Variants in TAMM41 observed in about 807,000 individuals in gnomAD.
The protein encoded by TAMM41 is TAM41 mitochondrial translocator assembly and maintenance homolog.
Under a neutral mutation model 44.1 loss-of-function variants are expected in TAMM41, and 36 were observed. That is an observed-to-expected ratio of 0.82 (90% confidence interval 0.63 to 1.08). TAMM41 has a LOEUF of 1.08. TAMM41 is among the 50% of genes least tolerant of loss of function. The pLI is 0.00. For missense variants in TAMM41, 417 were observed against 404.3 expected (o/e 1.03, Z -0.27); for synonymous variants, 164 against 153.1 (o/e 1.07, Z -0.53).
At chr3:11,725,972 G>A in the TAMM41 span, among the ~76,000 whole-genome samples, 2 of 152,122 alleles carry the variant, frequency 1.3e-5, no homozygotes, top group Non-Finnish European at 2.9e-5. Flanking sequence ...ATGGGTGAGT[G>A]TTATAAAAAA....
the TAMM41 span, among the ~76,000 whole-genome samples, chr3:11,770,779 G>C: frequency 6.6e-6 from 1 of 152,196 alleles, no homozygotes; most frequent in South Asian, 2.1e-4. Context: ...TCAAGCATGG[G>C]GGCAGGGGAG....
At chr3:11,731,168 G>A in the TAMM41 span, among the ~76,000 whole-genome samples, 3 of 152,174 alleles carry the variant, frequency 2.0e-5, no homozygotes, top group Non-Finnish European at 2.9e-5. Context: ...TTAGGGCACC[G>A]CAATGTACAA....
At chr3:11,740,897 TTC>T in the TAMM41 span, among the ~76,000 whole-genome samples, 1 of 147,866 alleles carries the variant, frequency 6.8e-6, no homozygotes, top group African/African-American at 2.6e-5. Flanking sequence ...ACAAATTCAT[TTC>T]TTACAGTTTT....
the TAMM41 span, among the ~76,000 whole-genome samples, chr3:11,724,080 T>C: frequency 6.6e-6 from 1 of 151,450 alleles, no homozygotes; most frequent in Non-Finnish European, 1.5e-5. Flanking sequence ...TATTTTATTT[T>C]ATTTTTATAT....
the TAMM41 span, among the ~76,000 whole-genome samples, chr3:11,730,614 AT>A: frequency 1.3e-5 from 2 of 150,666 alleles, no homozygotes; most frequent in African/African-American, 4.9e-5. Context: ...GGCGCCTGTA[AT>A]CCCAGCTACT....
chr3:11,809,871 T>C, intron 5 of TAMM41, 189 bp from the exon 6 acceptor site: 1 of 508,448 alleles, frequency 2.0e-6, no homozygotes, highest in Non-Finnish European at 3.4e-6. Context: ...CTAAGTCCCT[T>C]CAAAAAGGAC....
At chr3:11,774,382 C>G in the TAMM41 span, among the ~76,000 whole-genome samples, 1 of 152,182 alleles carries the variant, frequency 6.6e-6, no homozygotes, top group Non-Finnish European at 1.5e-5. Context: ...ACCAAGCTGA[C>G]AGGGAGGCTC....
rs548988127 is a variant in TAMM41, at chr3:11,841,668, C to A, written c.319-2354G>T. On this transcript the variant is annotated intron_variant, in intron 2 of 7. Coordinates refer to ENST00000455809, the MANE Select transcript of TAMM41 (RefSeq NM_001284401.2). ...CATAATATTAACTGTGGAGAAAGAA[C>A]AAAGCTAAGTGTCCTGCATGACTCA... Among the ~76,000 whole-genome samples the A allele has an allele frequency of 1.6e-3, 241 of 152,254 alleles. 1 individual carries two copies. Among genetic ancestry groups the A allele is most frequent in the Non-Finnish European group, 2.8e-3 (190 of 68,030 alleles).
At chr3:11,829,601 G>A (rs2078898109) in intron 4 of TAMM41, 113 bp downstream of exon 4, 6 of 1,257,002 alleles carry the variant, frequency 4.8e-6, no homozygotes, top group East Asian at 2.3e-5. Context: ...CAAGAGTGAC[G>A]TGATTTACAA....
intron 7 of TAMM41, among the ~76,000 whole-genome samples, chr3:11,799,404 C>A (rs111730480): frequency 6.6e-6 from 1 of 152,208 alleles, no homozygotes; most frequent in Non-Finnish European, 1.5e-5. Context: ...GCTCTAGTCT[C>A]TGCGGCTCAC....
At chr3:11,816,742 T>A (rs2078292487) in intron 5 of TAMM41, among the ~76,000 whole-genome samples, 3 of 151,674 alleles carry the variant, frequency 2.0e-5, no homozygotes, top group Non-Finnish European at 4.4e-5. Flanking sequence ...CACTGCACTC[T>A]AGCCTGGGAA....
the TAMM41 span, among the ~76,000 whole-genome samples, chr3:11,769,279 G>A: frequency 6.6e-6 from 1 of 152,026 alleles, no homozygotes; most frequent in Non-Finnish European, 1.5e-5. Flanking sequence ...TAGTAAAGAT[G>A]GGGTTTCACC....
chr3:11,844,174 G>C lies in TAMM41; in HGVS notation c.173C>G (p.Pro58Arg). The C allele has an allele frequency of 1.9e-6, 3 of 1,614,144 alleles. No individual in the cohort carries two copies. The highest frequency in any genetic ancestry group is 2.5e-6 in the Non-Finnish European group (3 of 1,180,036). ...CAGGTTCTTTGAATGCCATGCGACA[G>C]GGTCATCTACTGTGAACACAAAGTC... ...MLDFVFTVDD[P>R]VAWHSKNLKK... is the part of the protein sequence containing the mutation. Residue 58 changes from proline (P) to arginine (R), a missense_variant, in exon 2 of 8, where the codon CCT (proline) becomes CGT (arginine). By Grantham distance (103) the Pro-to-Arg change is moderately radical. Transcript: ENST00000455809.
chr3:11,785,108 T>A, the TAMM41 span, among the ~76,000 whole-genome samples: 1 of 152,192 alleles, frequency 6.6e-6, no homozygotes, highest in East Asian at 1.9e-4. Context: ...GGTGTTTCTC[T>A]GGTGAGCTCG....
chr3:11,828,712 G>A (rs746271441), intron 4 of TAMM41, among the ~76,000 whole-genome samples: 9 of 152,218 alleles, frequency 5.9e-5, no homozygotes, highest in African/African-American at 9.6e-5. Flanking sequence ...TTGCTTCAAC[G>A]CCTTTCTCTA....
At chr3:11,730,593 G>T in the TAMM41 span, among the ~76,000 whole-genome samples, 1 of 151,958 alleles carries the variant, frequency 6.6e-6, no homozygotes, top group East Asian at 1.9e-4. Context: ...AATTAGCCGG[G>T]CGTGGCGGTG....
chr3:11,825,369 G>C (rs1178995977), intron 4 of TAMM41, among the ~76,000 whole-genome samples: 1 of 152,148 alleles, frequency 6.6e-6, no homozygotes, highest in Non-Finnish European at 1.5e-5. Flanking sequence ...TTCCGGCTGA[G>C]GCACAGAGAA....
At chr3:11,807,391 AGAG>A in intron 7 of TAMM41, 1 of 1,520,216 alleles carries the variant, frequency 6.6e-7, no homozygotes, top group Non-Finnish European at 8.8e-7. Context: ...GTTGAAACGT[AGAG>A]AAGGAGCAAC....
chr3:11,807,109 C>T (rs544482036), intron 7 of TAMM41: 2 of 935,338 alleles, frequency 2.1e-6, no homozygotes, highest in Admixed American at 1.2e-4. Flanking sequence ...AGAGTGTGCA[C>T]CAAGCAAGTG....
Sources: allele counts gnomAD v4.1 joint callset (sites outside exome capture counted in the v4.1 genomes callset), GRCh38; gene constraint gnomAD v4.1.1; transcripts MANE v1.5; gene names NCBI Gene and HGNC (gene_info 2026-07-23, HGNC 2026-07-21).